ATM: variants seen among roughly 807,000 people sequenced by gnomAD.
ATM encodes the protein ATM serine/threonine kinase.
Under a neutral mutation model 387.0 loss-of-function variants are expected in ATM, and 308 were observed. The ratio of observed to expected loss-of-function variants is 0.80; its 90% CI spans 0.73 to 0.87. ATM has a LOEUF of 0.87. Among genes scored for constraint, ATM ranks in the 40% least tolerant of loss-of-function variants. The probability of loss-of-function intolerance (pLI) is 0.00; values close to 1 mark genes in which losing one functional copy is unlikely to be tolerated. For synonymous variants in ATM, 1,156 were observed against 1,187.3 expected (o/e 0.97, Z 0.54); for missense variants, 3,312 against 3,560.9 (o/e 0.93, Z 1.78).
At chr11:108,344,728 G>A (rs956066355) in intron 57 of ATM, among the ~76,000 whole-genome samples, 7 of 152,116 alleles carry the variant, frequency 4.6e-5, no homozygotes, top group Non-Finnish European at 1.5e-5. Context: ...TGGGGGGCGG[G>A]TGTGGTAGCG....
intron 16 of ATM, among the ~76,000 whole-genome samples, chr11:108,261,186 G>A (rs1379342867): frequency 6.6e-6 from 1 of 152,182 alleles, no homozygotes; most frequent in African/African-American, 2.4e-5. Flanking sequence ...CTGGGGGCAG[G>A]GCACAAACAA....
rs1044060944 is a variant in ATM, at chr11:108,244,769, C to G, written c.663-19C>G. ...GTTCCCCCTGTTATACCCAGTTGAG[C>G]TTGTTTGTTTCTTCACAGACAAGAA... On this transcript the variant is annotated intron_variant, in intron 6 of 62. Transcript: ENST00000675843. 6.3e-7 allele frequency: 1 copy of G among 1,585,232 alleles called. No individual in the cohort carries two copies. The highest frequency in any genetic ancestry group is 1.3e-5 in the African/African-American group (1 of 74,126).
At chr11:108,257,910 T>C (rs1049623453) in intron 15 of ATM, among the ~76,000 whole-genome samples, 1 of 152,170 alleles carries the variant, frequency 6.6e-6, no homozygotes, top group South Asian at 2.1e-4. Context: ...AGTCTCTCAC[T>C]CTTTCACCCA....
chr11:108,270,079 G>GA (rs1013844753), intron 18 of ATM, among the ~76,000 whole-genome samples: 12 of 151,546 alleles, frequency 7.9e-5, no homozygotes, highest in South Asian at 6.3e-4. Context: ...ATGTAAATAG[G>GA]AAAAAAAATC....
At chr11:108,248,338 G>A (rs548640721) in intron 8 of ATM, among the ~76,000 whole-genome samples, 154 of 151,976 alleles carry the variant, frequency 1.0e-3, no homozygotes, top group South Asian at 3.1e-3. Context: ...CCCTTTGAAA[G>A]TAAAGGTTTT....
At chr11:108,256,717 T>G (rs2135399355) in intron 14 of ATM, among the ~76,000 whole-genome samples, 1 of 152,278 alleles carries the variant, frequency 6.6e-6, no homozygotes, top group South Asian at 2.1e-4. Context: ...CCTCCCTGTG[T>G]CCATGTGTTC....
At position 108,259,031 on chromosome 11, in the gene ATM, A is replaced by C; in HGVS notation, c.2422A>C (p.Thr808Pro). 6.2e-7 allele frequency: 1 copy of C among 1,613,908 alleles called. No homozygotes were observed. The highest frequency in any genetic ancestry group is 8.5e-7 in the Non-Finnish European group (1 of 1,179,960). The change falls in exon 16 of 63, where the codon ACA becomes CCA. Residue 808 changes from threonine (T) to proline (P), a missense_variant. By Grantham distance (38) the Thr-to-Pro change is conservative (BLOSUM62 -1). Transcript: ENST00000675843. Reference protein sequence around the residue: ...IASGFFLRLLTSKLMNDIADI... With the variant: ...IASGFFLRLLPSKLMNDIADI... The stretch of plus-strand genomic sequence containing the variant: ...ATCTGGCTTTTTCCTGCGATTGTTA[A>C]CATCAAAGCTAATGAATGACATTGC...
chr11:108,330,186 G>C (rs2136449536), intron 49 of ATM, 28 bp from the exon 50 acceptor site: 1 of 1,601,312 alleles, frequency 6.2e-7, no homozygotes, highest in Non-Finnish European at 8.5e-7. Flanking sequence ...CATGGCTTTT[G>C]TGTTTTACCT....
chr11:108,235,585 A>G, intron 4 of ATM, 85 bp from the exon 5 acceptor site: 1 of 1,258,724 alleles, frequency 7.9e-7, no homozygotes. Context: ...AATTTCCCAA[A>G]TGGAATTATT....
chr11:108,270,643 A>G (rs1188101563), intron 18 of ATM, among the ~76,000 whole-genome samples: 1 of 151,904 alleles, frequency 6.6e-6, no homozygotes, highest in Non-Finnish European at 1.5e-5. Flanking sequence ...AAATATTTAC[A>G]GCTGTGTGTG....
At chr11:108,271,458 C>G (rs752210658) in intron 20 of ATM, 52 bp downstream of exon 20, 1 of 1,600,824 alleles carries the variant, frequency 6.2e-7, no homozygotes, top group South Asian at 1.1e-5. Context: ...TCTGTGGATA[C>G]GAATGCAAGT....
Position 108,367,340 on chromosome 11 carries a change from A to C in ATM, c.*1832A>C, listed in dbSNP as rs1272096089. Reference sequence around the variant, plus strand: ...TTTCCCCTTTCTTGTAAGTTCTGCTATGTATTTAAAAGAATGTTTTCTACA... The same window carrying C: ...TTTCCCCTTTCTTGTAAGTTCTGCTCTGTATTTAAAAGAATGTTTTCTACA... On this transcript the variant is annotated 3_prime_UTR_variant, in exon 63 of 63. Transcript: ENST00000675843. 1 of 184,982 alleles carries C rather than the reference A, an allele frequency of 5.4e-6. No individual in the cohort carries two copies. Among genetic ancestry groups the C allele is most frequent in the African/African-American group, 2.3e-5 (1 of 42,596 alleles). 11.5% of individuals were successfully genotyped at this position (184,982 alleles called of 1,614,324 possible).
intron 5 of ATM, among the ~76,000 whole-genome samples, chr11:108,237,130 C>T (rs1420684729): frequency 6.6e-6 from 1 of 152,210 alleles, no homozygotes; most frequent in East Asian, 1.9e-4. Context: ...CTGCATTACA[C>T]TCTACTGTTC....
chr11:108,256,186 A>G lies in ATM; in HGVS notation c.2125-29A>G, dbSNP rs531294695. 5.9e-6 allele frequency: 9 copies of G among 1,521,784 alleles called. No homozygotes were observed. The African/African-American group carries it at 1.1e-4, about 19-fold the overall frequency. 94.3% of individuals were successfully genotyped at this position (1,521,784 alleles called of 1,614,324 possible). ...GTATACTAAATTATTTATGAAATAT[A>G]TATATTTTTATTTGTGGTTTACTTT... On this transcript the variant is annotated intron_variant, in intron 13 of 62. Coordinates refer to ENST00000675843, the MANE Select transcript of ATM (RefSeq NM_000051.4).
At chr11:108,276,177 C>T (rs1182100878) in intron 22 of ATM, among the ~76,000 whole-genome samples, 2 of 152,132 alleles carry the variant, frequency 1.3e-5, no homozygotes, top group Non-Finnish European at 2.9e-5. Flanking sequence ...GTATGCTTCA[C>T]GATGTTCTCA....
intron 61 of ATM, among the ~76,000 whole-genome samples, chr11:108,357,087 C>G (rs534666241): frequency 1.3e-5 from 2 of 152,216 alleles, no homozygotes; most frequent in Non-Finnish European, 2.9e-5. Context: ...AGTGGGTGCA[C>G]GCACTGTGCG....
chr11:108,273,898 G>C (rs752462783), intron 22 of ATM, among the ~76,000 whole-genome samples: 12 of 152,174 alleles, frequency 7.9e-5, no homozygotes, highest in Non-Finnish European at 4.4e-5. Context: ...AAATGAGTTA[G>C]GGAAGAGTCC....
intron 5 of ATM, among the ~76,000 whole-genome samples, chr11:108,238,870 A>G (rs938590555): frequency 2.0e-5 from 3 of 152,198 alleles, no homozygotes; most frequent in African/African-American, 4.8e-5. Flanking sequence ...GTTGTGTAGT[A>G]TTAAGTGCAT....
chr11:108,337,991 CT>C (rs2087041530), intron 56 of ATM, among the ~76,000 whole-genome samples: 1 of 152,256 alleles, frequency 6.6e-6, no homozygotes, highest in Non-Finnish European at 1.5e-5. Flanking sequence ...ACTTTCATCT[CT>C]ACCTTATGAC....
Sources: gnomAD v4.1 joint callset for allele counts (sites outside exome capture counted in the v4.1 genomes callset) on GRCh38, gnomAD v4.1.1 for gene constraint, MANE v1.5 for transcripts, NCBI Gene and HGNC (gene_info 2026-07-23, HGNC 2026-07-21) for gene names.